SLC36A1: variants seen among roughly 807,000 people sequenced by gnomAD.
The protein encoded by SLC36A1 is proton-coupled amino acid transporter 1.
In SLC36A1, 30 loss-of-function variants were observed where a neutral mutation model predicts 47.5. The observed-to-expected ratio is 0.63, with a 90% CI of 0.47 to 0.86. The LOEUF (loss-of-function observed/expected upper bound fraction) is 0.86. SLC36A1 is among the 40% of genes least tolerant of loss of function. The probability of loss-of-function intolerance (pLI) is 0.00; values close to 1 mark genes in which losing one functional copy is unlikely to be tolerated. For synonymous variants in SLC36A1, 255 were observed against 249.7 expected (o/e 1.02, Z -0.20); for missense variants, 517 against 606.0 (o/e 0.85, Z 1.54).
the SLC36A1 span, among the ~76,000 whole-genome samples, chr5:151,377,729 C>T: frequency 6.6e-4 from 101 of 152,162 alleles, no homozygotes; most frequent in African/African-American, 2.3e-3. Flanking sequence ...ATTTAAATTG[C>T]GATATACTCT....
intron 1 of SLC36A1, among the ~76,000 whole-genome samples, chr5:151,458,281 C>T (rs1053088793): frequency 8.1e-5 from 11 of 135,044 alleles, no homozygotes; most frequent in Admixed American, 3.7e-4. Context: ...TATGTGTATA[C>T]GTGTATATAT....
At chr5:151,462,316 A>T (rs1755638813) in intron 2 of SLC36A1, among the ~76,000 whole-genome samples, 1 of 152,118 alleles carries the variant, frequency 6.6e-6, no homozygotes, top group Non-Finnish European at 1.5e-5. Flanking sequence ...GATGTTAGGA[A>T]TTCTGCATGG....
the SLC36A1 span, chr5:151,521,889 CAGGCTAT>C: frequency 6.2e-7 from 1 of 1,614,106 alleles, no homozygotes; most frequent in South Asian, 1.1e-5. Context: ...CCTCTTCTGC[CAGGCTAT>C]AGGTCAGCGT....
rs1757637456 is a variant in SLC36A1, at chr5:151,473,670, C to T, written c.724-3C>T. On this transcript the variant is annotated splice_region_variant and splice_polypyrimidine_tract_variant and intron_variant, in intron 7 of 10. Transcript: ENST00000243389. ...TTGCTTTGTTTTGCTTTCTGTCTTTCAGAGGATCCCAGACCCCAGCCACCT... is the reference window on the plus strand; with the variant it reads ...TTGCTTTGTTTTGCTTTCTGTCTTTTAGAGGATCCCAGACCCCAGCCACCT... The T allele has an allele frequency of 1.9e-6, 3 of 1,599,376 alleles. No individual in the cohort carries two copies. Among genetic ancestry groups the T allele is most frequent in the Non-Finnish European group, 1.7e-6 (2 of 1,167,560 alleles).
In SLC36A1 at chr5:151,491,060, C is replaced by T. The variant is rs997200619; in HGVS notation, c.*2806C>T. The T allele has an allele frequency of 2.6e-5, 4 of 152,490 alleles. No individual in the cohort carries two copies. Among genetic ancestry groups the T allele is most frequent in the South Asian group, 2.1e-4 (1 of 4,820 alleles). 9.4% of individuals were successfully genotyped at this position (152,490 alleles called of 1,614,324 possible). On this transcript the variant is annotated 3_prime_UTR_variant, in exon 11 of 11. Coordinates refer to ENST00000243389, the MANE Select transcript of SLC36A1 (RefSeq NM_078483.4). ...TACTCTTGAGCTCTGTGACCCTGCT[C>T]CTGTCACCCCAATTTCTCCAAGCCA...
At chr5:151,395,426 C>G in the SLC36A1 span, among the ~76,000 whole-genome samples, 2 of 152,230 alleles carry the variant, frequency 1.3e-5, no homozygotes, top group African/African-American at 4.8e-5. Context: ...CACCTACTGT[C>G]TGACAAGCCC....
At chr5:151,552,119 G>A in the SLC36A1 span, among the ~76,000 whole-genome samples, 1 of 151,820 alleles carries the variant, frequency 6.6e-6, no homozygotes, top group East Asian at 1.9e-4. Flanking sequence ...GCATTCATTT[G>A]TGTGTGCTTA....
the SLC36A1 span, among the ~76,000 whole-genome samples, chr5:151,357,703 A>C: frequency 6.6e-6 from 1 of 152,228 alleles, no homozygotes. Flanking sequence ...ACAGACCACG[A>C]AGGTTAAAAT....
chr5:151,387,063 A>G, the SLC36A1 span: 1 of 152,372 alleles, frequency 6.6e-6, no homozygotes, highest in African/African-American at 2.4e-5. Context: ...TTTTACTCAC[A>G]TGTCTTACAA....
At chr5:151,406,098 G>GC in the SLC36A1 span, among the ~76,000 whole-genome samples, 2 of 152,154 alleles carry the variant, frequency 1.3e-5, no homozygotes, top group Non-Finnish European at 2.9e-5. Flanking sequence ...CATTAGGAGT[G>GC]CCCCCTCCAA....
At chr5:151,404,312 A>C in the SLC36A1 span, among the ~76,000 whole-genome samples, 4 of 152,280 alleles carry the variant, frequency 2.6e-5, no homozygotes, top group East Asian at 7.7e-4. Context: ...GTGTCCTTAC[A>C]TGTGAAATGG....
At chr5:151,505,677 T>C in the SLC36A1 span, 1 of 1,613,872 alleles carries the variant, frequency 6.2e-7, no homozygotes, top group African/African-American at 1.3e-5. Context: ...CCCCTCCACC[T>C]CACAGACAGC....
intron 1 of SLC36A1, among the ~76,000 whole-genome samples, chr5:151,455,570 G>T: frequency 6.6e-6 from 1 of 152,222 alleles, no homozygotes; most frequent in South Asian, 2.1e-4. Flanking sequence ...GAGGTTTCTC[G>T]GTTGCTAGGG....
At chr5:151,502,023 A>G in the SLC36A1 span, among the ~76,000 whole-genome samples, 4 of 148,422 alleles carry the variant, frequency 2.7e-5, no homozygotes, top group Admixed American at 1.3e-4. Flanking sequence ...AAAATTAAAA[A>G]CGAGTAGGGC....
chr5:151,377,128 A>G, the SLC36A1 span, among the ~76,000 whole-genome samples: 1,633 of 152,268 alleles, frequency 0.011, 67 homozygotes, highest in East Asian at 0.14. Context: ...TGATTTGTGG[A>G]CTAACATACA....
At chr5:151,430,929 C>T in the SLC36A1 span, among the ~76,000 whole-genome samples, 1 of 152,268 alleles carries the variant, frequency 6.6e-6, no homozygotes, top group South Asian at 2.1e-4. Flanking sequence ...TGAGTTCACT[C>T]CCTGGAATTT....
At chr5:151,549,573 G>A in the SLC36A1 span, 10 of 1,353,296 alleles carry the variant, frequency 7.4e-6, no homozygotes, top group Non-Finnish European at 1.0e-5. Flanking sequence ...TTAGGGTAAG[G>A]TTAATGAACT....
At chr5:151,430,331 ATT>A in the SLC36A1 span, among the ~76,000 whole-genome samples, 4 of 117,496 alleles carry the variant, frequency 3.4e-5, no homozygotes, top group African/African-American at 7.1e-5. Context: ...CACCTGGCTA[ATT>A]TTTTTTTTTT....
chr5:151,368,119 C>T, the SLC36A1 span, among the ~76,000 whole-genome samples: 2 of 152,202 alleles, frequency 1.3e-5, no homozygotes, highest in Admixed American at 1.3e-4. Flanking sequence ...AGTTCAGCTA[C>T]ACTGAACTGG....
Sources: gnomAD v4.1 joint callset for allele counts (sites outside exome capture counted in the v4.1 genomes callset) on GRCh38, gnomAD v4.1.1 for gene constraint, MANE v1.5 for transcripts, NCBI Gene and HGNC (gene_info 2026-07-23, HGNC 2026-07-21) for gene names.